The following AKAP14 variants were observed in gnomAD, a reference collection of about 807,000 sequenced individuals.
AKAP14 encodes the protein A-kinase anchor protein 14.
Under a neutral mutation model 17.0 loss-of-function variants are expected in AKAP14, and 4 were observed. That is an observed-to-expected ratio of 0.23 (90% confidence interval 0.12 to 0.54). The LOEUF (loss-of-function observed/expected upper bound fraction) is 0.54, where lower values mean the gene tolerates loss of function less well. AKAP14 is among the 20% of genes least tolerant of loss of function. The pLI is 0.95. For synonymous variants in AKAP14, 42 were observed against 51.3 expected, an observed-to-expected ratio of 0.82 and a Z score of 0.77; for missense variants, 129 against 150.9, an observed-to-expected ratio of 0.85 and a Z score of 0.76.
At chrX:119,917,253 A>G (rs1358574330) in intron 5 of AKAP14, among the ~76,000 whole-genome samples, 2 of 109,946 alleles carry the variant, frequency 1.8e-5, no homozygotes, top group Non-Finnish European at 3.8e-5. Flanking sequence ...CGAGGTGGAC[A>G]GATCACCTGA....
chrX:119,905,616 C>A (rs970309560), intron 4 of AKAP14, among the ~76,000 whole-genome samples: 1 of 111,256 alleles, frequency 9.0e-6, no homozygotes, highest in African/African-American at 3.3e-5. Context: ...CCCCTCTCAC[C>A]TTCTTCCCTC....
At chrX:119,919,611 C>T (rs1267802468) in intron 5 of AKAP14, among the ~76,000 whole-genome samples, 3 of 111,828 alleles carry the variant, frequency 2.7e-5, no homozygotes, top group Non-Finnish European at 3.8e-5. Flanking sequence ...TTTGGGAGGC[C>T]GAGGTGGGCG....
chrX:119,906,344 C>A (rs1049597356), intron 4 of AKAP14, among the ~76,000 whole-genome samples: 1 of 101,891 alleles, frequency 9.8e-6, no homozygotes, highest in African/African-American at 3.7e-5. Context: ...AAGTGATTCT[C>A]CTATCTCAGC....
chrX:119,916,727 C>A (rs1228493052), intron 5 of AKAP14, among the ~76,000 whole-genome samples: 1 of 97,019 alleles, frequency 1.0e-5, no homozygotes, highest in African/African-American at 3.7e-5. Context: ...TCTTGAACTC[C>A]TGAGCTCAAG....
intron 4 of AKAP14, among the ~76,000 whole-genome samples, chrX:119,909,214 C>T (rs181907063): frequency 1.5e-3 from 172 of 111,219 alleles, no homozygotes; most frequent in African/African-American, 5.1e-3. Context: ...TGGCTGGGTG[C>T]GGTGGCTCAT....
At chrX:119,917,136 A>G (rs1013874071) in intron 5 of AKAP14, among the ~76,000 whole-genome samples, 11 of 107,909 alleles carry the variant, frequency 1.0e-4, no homozygotes, top group Non-Finnish European at 2.1e-4. Context: ...AATAATAAAA[A>G]TAAAAATTAA....
chrX:119,912,903 A>G (rs751201333), intron 4 of AKAP14, among the ~76,000 whole-genome samples: 27 of 110,924 alleles, frequency 2.4e-4, no homozygotes, highest in Non-Finnish European at 4.3e-4. Context: ...CTGTATTCCC[A>G]TCTCAACTCC....
chrX:119,920,418 A>G (rs1386858429), intron 6 of AKAP14, 90 bp from the exon 7 acceptor site: 3 of 736,179 alleles, frequency 4.1e-6, no homozygotes, highest in Non-Finnish European at 5.9e-6. Context: ...CTAGGAATAT[A>G]AAAGAGTAAA....
intron 4 of AKAP14, among the ~76,000 whole-genome samples, chrX:119,911,447 A>G (rs188789061): frequency 9.0e-6 from 1 of 111,243 alleles, no homozygotes; most frequent in Admixed American, 9.7e-5. Context: ...CTCAAGTGCC[A>G]TAAGACAGGC....
At chrX:119,917,244 G>A (rs1428450201) in intron 5 of AKAP14, among the ~76,000 whole-genome samples, 3 of 110,243 alleles carry the variant, frequency 2.7e-5, no homozygotes, top group Admixed American at 9.6e-5. Flanking sequence ...TTGGGAGGCC[G>A]AGGTGGACAG....
intron 2 of AKAP14, among the ~76,000 whole-genome samples, chrX:119,899,597 G>A (rs754553415): frequency 9.0e-6 from 1 of 111,227 alleles, no homozygotes; most frequent in South Asian, 3.8e-4. Context: ...CAGCCAACTC[G>A]CAGGGAGAAA....
intron 5 of AKAP14, 179 bp from the exon 6 acceptor site, chrX:119,919,731 AG>A (rs1324262461): frequency 1.0e-5 from 4 of 387,383 alleles, no homozygotes; most frequent in Non-Finnish European, 1.8e-5. Context: ...CTATGATCCC[AG>A]CTACTCAGGA....
chrX:119,904,080 C>T (rs1364792084), intron 4 of AKAP14, among the ~76,000 whole-genome samples: 1 of 111,185 alleles, frequency 9.0e-6, no homozygotes, highest in Non-Finnish European at 1.9e-5. Flanking sequence ...AGTAGACAGG[C>T]ACGTGTCACC....
chrX:119,908,284 C>CAAAAA (rs549133343), intron 4 of AKAP14, among the ~76,000 whole-genome samples: 5 of 47,437 alleles, frequency 1.1e-4, no homozygotes, highest in African/African-American at 1.3e-4. Flanking sequence ...GAGACTCTGT[C>CAAAAA]AAAAAAAAAA....
At chrX:119,917,866 G>A (rs2056668058) in intron 5 of AKAP14, among the ~76,000 whole-genome samples, 1 of 112,885 alleles carries the variant, frequency 8.9e-6, no homozygotes, top group Admixed American at 9.4e-5. Context: ...TTCAGCAGGT[G>A]TGGGGTAGGG....
At chrX:119,918,389 A>C (rs1374608671) in intron 5 of AKAP14, among the ~76,000 whole-genome samples, 4 of 110,578 alleles carry the variant, frequency 3.6e-5, no homozygotes, top group Non-Finnish European at 1.9e-5. Flanking sequence ...ATGCCACCAC[A>C]CCCAGCTAAT....
intron 2 of AKAP14, among the ~76,000 whole-genome samples, chrX:119,898,273 C>G (rs1296331256): frequency 8.9e-6 from 1 of 112,096 alleles, no homozygotes; most frequent in Admixed American, 9.5e-5. Context: ...CTGCAGCTAG[C>G]TGTGATTGCG....
At position 119,910,216 on chromosome X, in the gene AKAP14, A is replaced by G. The variant is rs1019567641; in HGVS notation, c.262-4483A>G. The stretch of plus-strand genomic sequence containing the variant: ...GAATACACAGCTCCTGATCTCAAGG[A>G]ATCTCGAGTCCAGTGCTCTTCTCTG... On this transcript the variant is annotated intron_variant, in intron 4 of 6. Transcript: ENST00000371431. 2.7e-5 allele frequency among the ~76,000 whole-genome samples: 3 copies of G among 111,891 alleles called. No homozygotes were observed. The Admixed American group carries it at 2.9e-4, about 11-fold the overall frequency.
chrX:119,904,284 T>C (rs1447263405), intron 4 of AKAP14, among the ~76,000 whole-genome samples: 1 of 111,855 alleles, frequency 8.9e-6, no homozygotes, highest in Non-Finnish European at 1.9e-5. Context: ...GGGATGCAGA[T>C]GGATCAAAAG....
Sources: allele counts gnomAD v4.1 joint callset (sites outside exome capture counted in the v4.1 genomes callset), GRCh38; gene constraint gnomAD v4.1.1; transcripts MANE v1.5; gene names NCBI Gene and HGNC (gene_info 2026-07-23, HGNC 2026-07-21).